The following MTUS2 variants were observed in gnomAD, a reference collection of about 807,000 sequenced individuals.
The protein encoded by MTUS2 is microtubule-associated tumor suppressor candidate 2.
In MTUS2, 40 loss-of-function variants were observed where a neutral mutation model predicts 114.1. The observed-to-expected ratio is 0.35, with a 90% CI of 0.27 to 0.46. The LOEUF is 0.46. Among genes scored for constraint, MTUS2 ranks in the 20% least tolerant of loss-of-function variants. MTUS2 has a pLI of 1.00. For synonymous variants in MTUS2, 688 were observed against 672.0 expected (o/e 1.02, Z -0.37); for missense variants, 1,679 against 1,705.4 (o/e 0.98, Z 0.27).
In MTUS2 at chr13:29,498,542, G is replaced by A; in HGVS notation, c.3798+5G>A. On this transcript the variant is annotated splice_donor_5th_base_variant and intron_variant, in intron 14 of 15. Transcript: ENST00000612955. ...ATTCTTGAGCTGGAAAAGCTGGTGA[G>A]TTGGTCTGTTTGCTCGGGAGAGTAA... The A allele has an allele frequency of 6.2e-7, 1 of 1,614,046 alleles. No homozygotes were observed. The highest frequency in any genetic ancestry group is 8.5e-7 in the Non-Finnish European group (1 of 1,179,966).
intron 2 of MTUS2, among the ~76,000 whole-genome samples, chr13:28,916,585 A>T (rs1268948196): frequency 6.6e-6 from 1 of 151,344 alleles, no homozygotes; most frequent in Admixed American, 6.6e-5. Context: ...TCTTTTTCAG[A>T]TTGTTCAAAT....
intron 7 of MTUS2, among the ~76,000 whole-genome samples, chr13:29,352,099 C>T (rs1379337162): frequency 6.6e-6 from 1 of 152,158 alleles, no homozygotes; most frequent in Non-Finnish European, 1.5e-5. Context: ...GAAACCCTTC[C>T]CCAGCGTTTT....
chr13:29,146,084 T>C (rs1377134347), intron 5 of MTUS2, among the ~76,000 whole-genome samples: 1 of 152,236 alleles, frequency 6.6e-6, no homozygotes, highest in Non-Finnish European at 1.5e-5. Context: ...CTTGGTTCAT[T>C]ACATAAAGTG....
At chr13:29,174,374 A>G (rs1893684477) in intron 5 of MTUS2, among the ~76,000 whole-genome samples, 1 of 152,136 alleles carries the variant, frequency 6.6e-6, no homozygotes. Flanking sequence ...AATCCTTCAC[A>G]CTATTTAAGC....
chr13:29,233,071 A>G (rs1896395961), intron 5 of MTUS2, among the ~76,000 whole-genome samples: 1 of 152,184 alleles, frequency 6.6e-6, no homozygotes, highest in African/African-American at 2.4e-5. Flanking sequence ...GTTAGTAAAT[A>G]CCATGTGAAA....
At chr13:29,218,796 A>G (rs60513044) in intron 5 of MTUS2, among the ~76,000 whole-genome samples, 3,730 of 152,220 alleles carry the variant, frequency 0.025, 151 homozygotes, top group African/African-American at 0.085. Flanking sequence ...TATATAGTAA[A>G]TCATGCTGTA....
rs114085033 is a variant in MTUS2, at chr13:28,967,250, C to T, written c.-242-57207C>T. Among the ~76,000 whole-genome samples the T allele has an allele frequency of 7.2e-3, 1,103 of 152,194 alleles. 15 individuals carry two copies. Among genetic ancestry groups the T allele is most frequent in the African/African-American group, 0.025 (1,051 of 41,524 alleles). On this transcript the variant is annotated intron_variant, in intron 2 of 15. Transcript: ENST00000612955. ...CTTTGAACATGTAGCACACCCTGGG[C>T]CTGACTACTATATTAATATTCCTTG...
chr13:29,078,812 C>T (rs1889311507), intron 4 of MTUS2, among the ~76,000 whole-genome samples: 1 of 152,198 alleles, frequency 6.6e-6, no homozygotes, highest in Non-Finnish European at 1.5e-5. Context: ...ATAGGTAATC[C>T]ACTTTGTTTA....
At chr13:28,856,593 C>G (rs1427744945) in intron 2 of MTUS2, among the ~76,000 whole-genome samples, 2 of 152,170 alleles carry the variant, frequency 1.3e-5, no homozygotes, top group Non-Finnish European at 2.9e-5. Context: ...AGCAGTGGTG[C>G]TGATGTTTGC....
intron 4 of MTUS2, among the ~76,000 whole-genome samples, chr13:29,094,172 T>C (rs1165720883): frequency 6.6e-6 from 1 of 151,972 alleles, no homozygotes; most frequent in Non-Finnish European, 1.5e-5. Context: ...TGAGATGTCT[T>C]TATCTGGTTT....
At chr13:28,835,289 T>C (rs1259948675) in intron 1 of MTUS2, among the ~76,000 whole-genome samples, 1 of 152,238 alleles carries the variant, frequency 6.6e-6, no homozygotes, top group Non-Finnish European at 1.5e-5. Flanking sequence ...AAATAAGATA[T>C]GGCTTATTCA....
intron 1 of MTUS2, among the ~76,000 whole-genome samples, chr13:28,835,836 G>A (rs1345246298): frequency 1.3e-5 from 2 of 152,296 alleles, no homozygotes; most frequent in Admixed American, 6.5e-5. Context: ...CTATGGTAGA[G>A]TAGAAACTTA....
Position 29,389,329 on chromosome 13 carries a change from G to GCAAA in MTUS2, c.3117+29856_3117+29857insCAAA, listed in dbSNP as rs1259550399. Among the ~76,000 whole-genome samples the GCAAA allele has an allele frequency of 5.6e-4, 40 of 70,860 alleles. 1 individual carries two copies. The highest frequency in any genetic ancestry group is 1.7e-3 in the African/African-American group (38 of 22,484). The allele number at this position is 70,860 out of a possible 152,430, so 46.5% of individuals were successfully genotyped here. On this transcript the variant is annotated intron_variant, in intron 8 of 15. Transcript: ENST00000612955. ...TGTATATATGTATACACATATGTGT[G>GCAAA]TATATATGTATGCACGTGTGTGTAT...
intron 5 of MTUS2, among the ~76,000 whole-genome samples, chr13:29,238,335 G>C (rs1896612304): frequency 6.6e-6 from 1 of 152,186 alleles, no homozygotes; most frequent in Non-Finnish European, 1.5e-5. Context: ...AAAGAGTATT[G>C]ACTCACACCA....
chr13:29,079,551 C>A (rs1005761709), intron 4 of MTUS2, among the ~76,000 whole-genome samples: 3 of 152,058 alleles, frequency 2.0e-5, no homozygotes, highest in African/African-American at 4.8e-5. Context: ...TTTTCACACA[C>A]CTTGAAGCTT....
intron 2 of MTUS2, among the ~76,000 whole-genome samples, chr13:28,870,544 C>T (rs117192291): frequency 1.3e-5 from 2 of 152,242 alleles, no homozygotes; most frequent in East Asian, 3.9e-4. Context: ...ATCTGTGCTT[C>T]TGGTGGTTAA....
chr13:29,437,112 C>CT (rs1491349279), intron 8 of MTUS2, among the ~76,000 whole-genome samples: 1 of 152,136 alleles, frequency 6.6e-6, no homozygotes, highest in African/African-American at 2.4e-5. Flanking sequence ...TAGGGCATGA[C>CT]TCTGATAACG....
intron 8 of MTUS2, among the ~76,000 whole-genome samples, chr13:29,392,851 A>G (rs9579367): frequency 0.18 from 27,770 of 152,236 alleles, 2,767 homozygotes; most frequent in Middle Eastern, 0.26. Context: ...ACTGAAGTGT[A>G]CTTAAAAATG....
At chr13:29,141,396 G>T (rs960527492) in intron 5 of MTUS2, among the ~76,000 whole-genome samples, 1 of 152,194 alleles carries the variant, frequency 6.6e-6, no homozygotes, top group Non-Finnish European at 1.5e-5. Flanking sequence ...CAGGCAGATA[G>T]TGAGTAGAGG....
Sources: gnomAD v4.1 joint callset for allele counts (sites outside exome capture counted in the v4.1 genomes callset) on GRCh38, gnomAD v4.1.1 for gene constraint, MANE v1.5 for transcripts, NCBI Gene and HGNC (gene_info 2026-07-23, HGNC 2026-07-21) for gene names.